CCSER1: variants seen among roughly 807,000 people sequenced by gnomAD.
The protein encoded by CCSER1 is coiled-coil serine rich protein 1.
CCSER1 carries 41 observed loss-of-function variants against 82.0 expected under a neutral mutation model. The observed-to-expected ratio is 0.50, with a 90% CI of 0.39 to 0.65. The LOEUF is 0.65. Among genes scored for constraint, CCSER1 ranks in the 30% least tolerant of loss-of-function variants. CCSER1 has a pLI of 0.00. For missense variants in CCSER1, 1,119 were observed against 1,064.2 expected, an observed-to-expected ratio of 1.05 and a Z score of -0.72; for synonymous variants, 414 against 383.9, an observed-to-expected ratio of 1.08 and a Z score of -0.92.
At chr4:90,383,597 CCA>C (rs149539036) in intron 3 of CCSER1, among the ~76,000 whole-genome samples, 1 of 151,622 alleles carries the variant, frequency 6.6e-6, no homozygotes, top group Non-Finnish European at 1.5e-5. Context: ...TTACCAAAGG[CCA>C]CACACACACA....
intron 1 of CCSER1, among the ~76,000 whole-genome samples, chr4:90,271,840 ATATATATATATATATATATATATTTTTTT>A (rs1228487800): frequency 1.2e-3 from 24 of 20,574 alleles, no homozygotes; most frequent in Admixed American, 2.7e-3. Context: ...ATATATATAT[ATATATATATATATATATATATATTTTTTT>A]TTTTTTTTTT....
At chr4:90,635,327 C>T (rs1725229081) in intron 6 of CCSER1, among the ~76,000 whole-genome samples, 1 of 151,194 alleles carries the variant, frequency 6.6e-6, no homozygotes, top group Non-Finnish European at 1.5e-5. Context: ...ACAATAAGTC[C>T]CATTAAATTT....
intron 9 of CCSER1, among the ~76,000 whole-genome samples, chr4:90,966,976 C>A (rs1355672539): frequency 6.6e-6 from 1 of 151,940 alleles, no homozygotes; most frequent in Non-Finnish European, 1.5e-5. Context: ...AATTGGATAA[C>A]CTACACTTTT....
rs189617504 is a variant in CCSER1, at chr4:91,434,326, G to A, written c.2218-164246G>A. On this transcript the variant is annotated intron_variant, in intron 10 of 10. Coordinates refer to ENST00000509176, the MANE Select transcript of CCSER1 (RefSeq NM_001145065.2). ...CGTAATTAGAATATGGAAAAACGGC[G>A]TAGCAACTCAATAGGCAGAAAATTG... 1.3e-3 allele frequency among the ~76,000 whole-genome samples: 202 copies of A among 152,130 alleles called. 1 individual carries two copies. Among genetic ancestry groups the A allele is most frequent in the African/African-American group, 4.5e-3 (187 of 41,482 alleles).
intron 5 of CCSER1, among the ~76,000 whole-genome samples, chr4:90,589,492 A>G (rs1782436156): frequency 6.6e-6 from 1 of 152,138 alleles, no homozygotes; most frequent in African/African-American, 2.4e-5. Flanking sequence ...ATCTGGAGAA[A>G]AAACAGGGCA....
chr4:91,279,887 T>TATTTTTTAATAAGAA (rs899593430), intron 10 of CCSER1, among the ~76,000 whole-genome samples: 3 of 151,714 alleles, frequency 2.0e-5, no homozygotes, highest in Non-Finnish European at 4.4e-5. Flanking sequence ...ATTTTTTGAA[T>TATTTTTTAATAAGAA]ATTTTTTAAT....
At chr4:90,600,910 T>A (rs1783957328) in intron 5 of CCSER1, among the ~76,000 whole-genome samples, 1 of 152,042 alleles carries the variant, frequency 6.6e-6, no homozygotes, top group Non-Finnish European at 1.5e-5. Context: ...CATATTTCTG[T>A]CAGATTTCTA....
chr4:91,315,089 T>C (rs367862904), intron 10 of CCSER1, among the ~76,000 whole-genome samples: 173 of 151,818 alleles, frequency 1.1e-3, no homozygotes, highest in African/African-American at 3.7e-3. Context: ...GAAACTGTAG[T>C]ATTTATTTAC....
chr4:90,372,250 A>G (rs1335000304), intron 3 of CCSER1, among the ~76,000 whole-genome samples: 1 of 152,208 alleles, frequency 6.6e-6, no homozygotes, highest in Non-Finnish European at 1.5e-5. Flanking sequence ...GGTCTAATCT[A>G]AATAATTTGT....
chr4:90,661,577 G>T (rs1730787400), intron 6 of CCSER1, among the ~76,000 whole-genome samples: 1 of 152,172 alleles, frequency 6.6e-6, no homozygotes, highest in African/African-American at 2.4e-5. Flanking sequence ...ACTATAGTGT[G>T]AGATGATTTA....
At chr4:90,515,679 C>T (rs1772170998) in intron 5 of CCSER1, among the ~76,000 whole-genome samples, 1 of 152,160 alleles carries the variant, frequency 6.6e-6, no homozygotes, top group Non-Finnish European at 1.5e-5. Context: ...GTTCAAGTCA[C>T]ATATCAAGTA....
At chr4:90,943,042 A>G (rs1348499880) in intron 9 of CCSER1, among the ~76,000 whole-genome samples, 3 of 151,498 alleles carry the variant, frequency 2.0e-5, no homozygotes, top group Middle Eastern at 3.2e-3. Context: ...TGGAAGGTAT[A>G]TGTGCTAATA....
chr4:90,655,572 T>A (rs1237728712), intron 6 of CCSER1, among the ~76,000 whole-genome samples: 1 of 151,974 alleles, frequency 6.6e-6, no homozygotes, highest in African/African-American at 2.4e-5. Flanking sequence ...TCTCTTACAT[T>A]TGGAGTCAAA....
intron 10 of CCSER1, among the ~76,000 whole-genome samples, chr4:91,356,299 G>A (rs200713626): frequency 1.2e-4 from 18 of 152,326 alleles, no homozygotes; most frequent in Admixed American, 6.5e-4. Context: ...GCCGACATGC[G>A]TTTTTCTTTT....
chr4:90,960,784 A>G (rs1027685006), intron 9 of CCSER1, among the ~76,000 whole-genome samples: 2 of 152,198 alleles, frequency 1.3e-5, no homozygotes, highest in African/African-American at 4.8e-5. Context: ...TCTTAGCTAC[A>G]AGACTAGATT....
chr4:90,897,124 A>G (rs1723829375), intron 8 of CCSER1, among the ~76,000 whole-genome samples: 1 of 151,964 alleles, frequency 6.6e-6, no homozygotes, highest in Non-Finnish European at 1.5e-5. Context: ...ATATACATAT[A>G]AAATCATAAC....
chr4:90,892,649 A>G (rs1030768283), intron 8 of CCSER1, among the ~76,000 whole-genome samples: 2 of 151,922 alleles, frequency 1.3e-5, no homozygotes, highest in Non-Finnish European at 2.9e-5. Context: ...TCCTAATTCA[A>G]TTCTAGAAAA....
At chr4:91,269,183 A>G (rs984286662) in intron 10 of CCSER1, among the ~76,000 whole-genome samples, 4 of 152,242 alleles carry the variant, frequency 2.6e-5, no homozygotes, top group Non-Finnish European at 4.4e-5. Context: ...GGGCAGGTCT[A>G]TGCTCCAAAA....
intron 10 of CCSER1, among the ~76,000 whole-genome samples, chr4:91,403,744 C>T (rs1043289866): frequency 2.6e-5 from 4 of 152,168 alleles, no homozygotes; most frequent in African/African-American, 9.7e-5. Context: ...AGGGAAGAAG[C>T]TGACTTCATC....
Sources: gnomAD v4.1 joint callset for allele counts (sites outside exome capture counted in the v4.1 genomes callset) on GRCh38, gnomAD v4.1.1 for gene constraint, MANE v1.5 for transcripts, NCBI Gene and HGNC (gene_info 2026-07-23, HGNC 2026-07-21) for gene names.